PDE1C: variants seen among roughly 807,000 people sequenced by gnomAD.
PDE1C encodes the protein phosphodiesterase 1C.
In PDE1C, 62 loss-of-function variants were observed where a neutral mutation model predicts 93.1. The observed-to-expected ratio is 0.67, with a 90% CI of 0.54 to 0.82. PDE1C has a LOEUF of 0.82. Among genes scored for constraint, PDE1C ranks in the 40% least tolerant of loss-of-function variants. The pLI is 0.00. For missense variants in PDE1C, 742 were observed against 884.6 expected, an observed-to-expected ratio of 0.84 and a Z score of 2.04; for synonymous variants, 325 against 310.1, an observed-to-expected ratio of 1.05 and a Z score of -0.50.
chr7:31,681,010 C>A, the PDE1C span, among the ~76,000 whole-genome samples: 1 of 152,192 alleles, frequency 6.6e-6, no homozygotes, highest in Non-Finnish European at 1.5e-5. Context: ...TAGGGACCAG[C>A]CTAGCCACTT....
chr7:32,386,991 T>C (rs1245215846), intron 1 of PDE1C, among the ~76,000 whole-genome samples: 1 of 150,702 alleles, frequency 6.6e-6, no homozygotes, highest in Non-Finnish European at 1.5e-5. Context: ...TGAACAAAGG[T>C]CTCTGGTTTT....
the PDE1C span, among the ~76,000 whole-genome samples, chr7:31,620,590 C>T: frequency 6.6e-6 from 1 of 150,632 alleles, no homozygotes; most frequent in Admixed American, 6.6e-5. Flanking sequence ...AAAGGACATC[C>T]ACACCAAAAA....
At chr7:31,669,197 A>G in the PDE1C span, among the ~76,000 whole-genome samples, 3 of 152,196 alleles carry the variant, frequency 2.0e-5, no homozygotes, top group South Asian at 6.2e-4. Context: ...GCCAGTAGCC[A>G]TTGTAGCAAT....
intron 6 of PDE1C, among the ~76,000 whole-genome samples, chr7:31,868,904 A>G (rs1795611179): frequency 6.9e-6 from 1 of 144,266 alleles, no homozygotes; most frequent in South Asian, 2.1e-4. Flanking sequence ...TCCTAAAAGA[A>G]AAAAAAAAAA....
chr7:32,328,481 C>G (rs1402670379), intron 1 of PDE1C, among the ~76,000 whole-genome samples: 1 of 152,208 alleles, frequency 6.6e-6, no homozygotes, highest in Non-Finnish European at 1.5e-5. Flanking sequence ...TGCTGCAGAC[C>G]TGCCTGGCCA....
chr7:32,046,563 T>C (rs1350586451), intron 2 of PDE1C, among the ~76,000 whole-genome samples: 1 of 152,188 alleles, frequency 6.6e-6, no homozygotes, highest in African/African-American at 2.4e-5. Flanking sequence ...ACATATCTTG[T>C]TATTTCCAGT....
At chr7:31,722,503 G>A in the PDE1C span, among the ~76,000 whole-genome samples, 1 of 152,188 alleles carries the variant, frequency 6.6e-6, no homozygotes, top group African/African-American at 2.4e-5. Flanking sequence ...ATTCAATTAT[G>A]TATTCATACA....
Position 31,971,592 on chromosome 7 carries a change from G to A in PDE1C, c.128+79962C>T, listed in dbSNP as rs148193794. On this transcript the variant is annotated intron_variant, in intron 2 of 17. Transcript: ENST00000396191. ...TCAGTCTGCATCTACACCCACTGTGGGTCATCCTGCCACCTGCCCTGCCCT... is the reference window on the plus strand; with the variant it reads ...TCAGTCTGCATCTACACCCACTGTGAGTCATCCTGCCACCTGCCCTGCCCT... Among the ~76,000 whole-genome samples, 584 of 152,250 alleles carry A rather than the reference G, an allele frequency of 3.8e-3. 6 individuals are homozygous for A. The highest frequency in any genetic ancestry group is 0.013 in the African/African-American group (548 of 41,548).
intron 1 of PDE1C, among the ~76,000 whole-genome samples, chr7:32,052,819 C>T (rs7801338): frequency 1.3e-5 from 2 of 152,092 alleles, no homozygotes; most frequent in African/African-American, 4.8e-5. Flanking sequence ...GTAGTGATAT[C>T]TATTTACCTG....
intron 2 of PDE1C, among the ~76,000 whole-genome samples, chr7:32,020,432 A>C (rs1171715704): frequency 1.3e-5 from 2 of 152,008 alleles, no homozygotes; most frequent in Admixed American, 1.3e-4. Flanking sequence ...TAATTTTATA[A>C]ATTCTAAATT....
intron 1 of PDE1C, among the ~76,000 whole-genome samples, chr7:32,398,211 G>T (rs1394066658): frequency 4.0e-5 from 6 of 151,256 alleles, no homozygotes; most frequent in Admixed American, 6.6e-5. Flanking sequence ...TACTCAGGAG[G>T]CTGAGGCAGG....
intron 2 of PDE1C, among the ~76,000 whole-genome samples, chr7:31,942,248 A>G (rs1258938152): frequency 6.6e-6 from 1 of 152,218 alleles, no homozygotes; most frequent in Admixed American, 6.5e-5. Context: ...TGTATGAAGT[A>G]CCCTGTTTTG....
At chr7:32,188,632 CAT>C (rs1166877743) in intron 2 of PDE1C, among the ~76,000 whole-genome samples, 1 of 152,064 alleles carries the variant, frequency 6.6e-6, no homozygotes, top group Non-Finnish European at 1.5e-5. Flanking sequence ...TACATCTTCT[CAT>C]TTCTTTGGGG....
intron 1 of PDE1C, among the ~76,000 whole-genome samples, chr7:32,415,963 G>A (rs774376524): frequency 1.3e-5 from 2 of 152,194 alleles, no homozygotes; most frequent in Non-Finnish European, 2.9e-5. Context: ...GGGGAGTGGC[G>A]GTGTGACCAG....
chr7:31,623,660 G>C, the PDE1C span, among the ~76,000 whole-genome samples: 30,510 of 91,616 alleles, frequency 0.33, 6,591 homozygotes, highest in East Asian at 0.7. Context: ...ACTGAATGGG[G>C]AAAAACTGGA....
chr7:32,206,435 G>A (rs1041815492), intron 2 of PDE1C, among the ~76,000 whole-genome samples: 8 of 152,024 alleles, frequency 5.3e-5, no homozygotes, highest in Non-Finnish European at 1.0e-4. Context: ...AGAGAGGAGG[G>A]TTTTTAGGGC....
chr7:31,685,269 A>G, the PDE1C span, among the ~76,000 whole-genome samples: 1 of 152,192 alleles, frequency 6.6e-6, no homozygotes, highest in Non-Finnish European at 1.5e-5. Context: ...TTAGGAAGGA[A>G]CGGAGGGGGG....
chr7:32,334,153 C>A (rs1783566833), intron 1 of PDE1C, among the ~76,000 whole-genome samples: 1 of 152,086 alleles, frequency 6.6e-6, no homozygotes, highest in African/African-American at 2.4e-5. Flanking sequence ...ATATTTTGAT[C>A]AAATTTCTTT....
chr7:31,666,432 T>C, the PDE1C span, among the ~76,000 whole-genome samples: 1 of 152,206 alleles, frequency 6.6e-6, no homozygotes, highest in Non-Finnish European at 1.5e-5. Context: ...TTTGTACAAT[T>C]ATTATGTATT....
Sources: gnomAD v4.1 joint callset for allele counts (sites outside exome capture counted in the v4.1 genomes callset) on GRCh38, gnomAD v4.1.1 for gene constraint, MANE v1.5 for transcripts, NCBI Gene and HGNC (gene_info 2026-07-23, HGNC 2026-07-21) for gene names.